Variants in EDNRB observed in about 807,000 individuals in gnomAD.
EDNRB encodes endothelin receptor type B.
A neutral mutation model predicts 46.4 loss-of-function variants in EDNRB; 18 were observed. The observed-to-expected ratio is 0.39, with a 90% CI of 0.27 to 0.57. The LOEUF (loss-of-function observed/expected upper bound fraction) is 0.57, where lower values mean the gene tolerates loss of function less well. Among genes scored for constraint, EDNRB ranks in the 20% least tolerant of loss-of-function variants. The pLI, the probability that EDNRB is intolerant of heterozygous loss-of-function variation, is 0.61. For missense variants in EDNRB, 434 were observed against 537.5 expected, an observed-to-expected ratio of 0.81 and a Z score of 1.90; for synonymous variants, 213 against 204.9, an observed-to-expected ratio of 1.04 and a Z score of -0.34.
intron 1 of EDNRB, among the ~76,000 whole-genome samples, chr13:77,936,629 C>T (rs903640256): frequency 7.9e-5 from 12 of 152,202 alleles, no homozygotes; most frequent in African/African-American, 2.9e-4. Flanking sequence ...GTCAGAGAGC[C>T]TTGGGCCAGA....
rs143672085 is a variant in EDNRB at position 77,929,573 on chromosome 13, T to C, written c.-51-10949A>G. 3.5e-3 allele frequency among the ~76,000 whole-genome samples: 530 copies of C among 152,312 alleles called. 1 individual carries two copies. Among genetic ancestry groups the C allele is most frequent in the Non-Finnish European group, 5.5e-3 (373 of 68,030 alleles). On this transcript the variant is annotated intron_variant, in intron 1 of 7. Transcript: ENST00000646948. ...ATGAAATATCAGCTATCTTAGTTCT[T>C]CTGAAGTTTAGATGCTGGTTCATGC... is the stretch of plus-strand genomic sequence containing the variant.
rs192012558 is a variant in EDNRB, at chr13:77,934,377, G to A, written c.-51-15753C>T. On this transcript the variant is annotated intron_variant, in intron 1 of 7. Transcript: ENST00000646948. ...TTTCCTGAAGACTGAGGACCGTAAGGGATATAAACGTTTCACTGGATACTA... is the reference window on the plus strand; with the variant it reads ...TTTCCTGAAGACTGAGGACCGTAAGAGATATAAACGTTTCACTGGATACTA... Among the ~76,000 whole-genome samples the A allele has an allele frequency of 3.3e-5, 5 of 152,200 alleles. No individual in the cohort carries two copies. In the East Asian group the frequency reaches 7.7e-4, roughly 24 times the overall value.
intron 1 of EDNRB, among the ~76,000 whole-genome samples, chr13:77,925,218 A>G (rs1880203312): frequency 1.3e-5 from 2 of 152,270 alleles, no homozygotes. Context: ...GGTGTAGCAT[A>G]TGACAGGCTA....
intron 1 of EDNRB, among the ~76,000 whole-genome samples, chr13:77,924,882 T>G (rs948372872): frequency 6.6e-6 from 1 of 152,196 alleles, no homozygotes; most frequent in African/African-American, 2.4e-5. Flanking sequence ...CCTGCTGCCA[T>G]CCACCTAAGA....
rs199558894 is a variant in EDNRB at position 77,901,087 on chromosome 13, G to T, written c.922C>A (p.Gln308Lys). The change falls in exon 4 of 7, where the codon CAG (glutamine) becomes AAG (lysine). Residue 308 changes from glutamine to lysine, a missense_variant. Physicochemically the swap from Gln to Lys is moderately conservative, Grantham distance 53. Coordinates refer to ENST00000646607, the MANE Select transcript of EDNRB (RefSeq NM_001122659.3). ...TTTAGGTGATCATTTAAAGCAATCT[G>T]CATGCCACTTTTCTTTCTCAACATT... ...CEMLRKKSGM[Q>K]IALNDHLKQR... 4.3e-6 allele frequency: 7 copies of T among 1,610,948 alleles called. No homozygotes were observed. The highest frequency in any genetic ancestry group is 1.7e-5 in the Admixed American group (1 of 59,806).
chr13:77,919,496 C>G (rs1043293833), upstream of EDNRB: 1 of 1,612,832 alleles, frequency 6.2e-7, no homozygotes. Context: ...GAGAGGAGCA[C>G]GCCTCCCTTG....
At chr13:77,917,071 G>A (rs1177842671) in intron 1 of EDNRB, among the ~76,000 whole-genome samples, 1 of 152,058 alleles carries the variant, frequency 6.6e-6, no homozygotes, top group African/African-American at 2.4e-5. Flanking sequence ...TGACGCCCAT[G>A]GTAATCACAC....
Position 77,918,528 on chromosome 13 carries a change from C to A in EDNRB, c.46G>T (p.Val16Phe), listed in dbSNP as rs142767792. 10 of 1,591,974 alleles carry A rather than the reference C, an allele frequency of 6.3e-6. No individual in the cohort carries two copies. The highest frequency in any genetic ancestry group is 3.6e-5 in the Admixed American group (2 of 55,310). Residue 16 changes from valine to phenylalanine, a missense_variant, in exon 1 of 7, where the codon GTT (valine) becomes TTT (phenylalanine). By Grantham distance (50) the Val-to-Phe change is conservative (BLOSUM62 -1). Transcript: ENST00000646607. The surrounding 1 kb of genome is among the most constrained non-coding windows in gnomAD (Gnocchi z 4.5). ...ATCCGCGACAGGCCGCAGGCAAGAA[C>A]CAGCGCAACCAGGGCGCGTCCGCAC... ...SLCGRALVAL[V>F]LACGLSRIWG...
Position 77,896,487 on chromosome 13 carries a change from G to T in EDNRB, c.*1713C>A. ...TTTCTGGCCACATTGTTGGGTTTTG[G>T]TTTACTGTACCATCACATTCAATAT... On this transcript the variant is annotated 3_prime_UTR_variant, in exon 7 of 7. Coordinates refer to ENST00000646607, the MANE Select transcript of EDNRB (RefSeq NM_001122659.3). The T allele has an allele frequency of 6.3e-7, 1 of 1,581,084 alleles. No homozygotes were observed. Among genetic ancestry groups the T allele is most frequent in the Middle Eastern group, 2.3e-4 (1 of 4,388 alleles).
intron 1 of EDNRB, among the ~76,000 whole-genome samples, chr13:77,974,814 C>T (rs1317163820): frequency 6.6e-6 from 1 of 152,116 alleles, no homozygotes; most frequent in Admixed American, 6.5e-5. Flanking sequence ...GCCAACCTAC[C>T]TCTAATGCTG....
At chr13:77,927,975 C>G (rs1291659142) in intron 1 of EDNRB, among the ~76,000 whole-genome samples, 2 of 152,182 alleles carry the variant, frequency 1.3e-5, no homozygotes, top group Non-Finnish European at 2.9e-5. Context: ...TACACAAGCT[C>G]TCTTGCCTGC....
At chr13:77,948,909 G>C (rs959885187) in intron 1 of EDNRB, among the ~76,000 whole-genome samples, 3 of 152,106 alleles carry the variant, frequency 2.0e-5, no homozygotes, top group African/African-American at 7.2e-5. Flanking sequence ...AAACATAAAA[G>C]ATTGCTGCAC....
chr13:77,933,876 A>G (rs906019185), intron 1 of EDNRB, among the ~76,000 whole-genome samples: 1 of 152,122 alleles, frequency 6.6e-6, no homozygotes, highest in Non-Finnish European at 1.5e-5. Context: ...ATTATTGGTG[A>G]TGGCCTGGGT....
At chr13:77,963,297 A>G (rs1594400530) in intron 1 of EDNRB, among the ~76,000 whole-genome samples, 1 of 152,232 alleles carries the variant, frequency 6.6e-6, no homozygotes, top group African/African-American at 2.4e-5. Context: ...ACCAAAAAAG[A>G]GCTCACATTG....
chr13:77,906,586 T>G (rs1879292312), intron 1 of EDNRB, among the ~76,000 whole-genome samples: 1 of 152,028 alleles, frequency 6.6e-6, no homozygotes, highest in Admixed American at 6.6e-5. Context: ...CAAGCACCTC[T>G]GTGGAGAAAC....
chr13:77,917,962 G>A, intron 1 of EDNRB, 129 bp downstream of exon 1: 1 of 1,412,658 alleles, frequency 7.1e-7, no homozygotes, highest in South Asian at 1.2e-5. Context: ...AAAGATTACT[G>A]ACTTTTAGGA....
chr13:77,963,853 A>ATT (rs1881499510), intron 1 of EDNRB, among the ~76,000 whole-genome samples: 1 of 152,164 alleles, frequency 6.6e-6, no homozygotes, highest in Admixed American at 6.5e-5. Context: ...ATGGGAGAAA[A>ATT]TTTTTGCAAC....
Position 77,896,129 on chromosome 13 carries a change from A to T in EDNRB, c.*2071T>A, listed in dbSNP as rs1250254522. On this transcript the variant is annotated 3_prime_UTR_variant, in exon 7 of 7. Coordinates refer to ENST00000646607, the MANE Select transcript of EDNRB (RefSeq NM_001122659.3). ...AAAAGCCACTGAATGCAATTTTATT[A>T]TAAATAATGCAAGTATGCTTTTTGT... 1 of 158,170 alleles carries T rather than the reference A, an allele frequency of 6.3e-6. No individual in the cohort carries two copies. The highest frequency in any genetic ancestry group is 1.4e-5 in the Non-Finnish European group (1 of 72,428). The allele number at this position is 158,170 out of a possible 1,614,324, so 9.8% of individuals were successfully genotyped here.
chr13:77,924,744 G>A (rs1162524914), upstream of EDNRB, among the ~76,000 whole-genome samples: 1 of 152,136 alleles, frequency 6.6e-6, no homozygotes, highest in African/African-American at 2.4e-5. Context: ...TATTGTGGGA[G>A]GGACCCAGTG....
Sources: gnomAD v4.1 joint callset for allele counts (sites outside exome capture counted in the v4.1 genomes callset) on GRCh38, gnomAD v4.1.1 for gene constraint, Gnocchi (gnomAD v3.1) non-coding constraint, MANE v1.5 for transcripts, NCBI Gene and HGNC (gene_info 2026-07-23, HGNC 2026-07-21) for gene names.